The following DIP2C variants were observed in gnomAD, a reference collection of about 807,000 sequenced individuals.
The protein encoded by DIP2C is DIP2 acetate--CoA ligase C (putative), also known as disco-interacting protein 2 homolog C.
In DIP2C, 33 loss-of-function variants were observed where a neutral mutation model predicts 192.4. The ratio of observed to expected loss-of-function variants is 0.17; its 90% CI spans 0.13 to 0.23. DIP2C has a LOEUF of 0.23. DIP2C is among the 10% of genes least tolerant of loss of function. The probability of loss-of-function intolerance (pLI) is 1.00; values close to 1 mark genes in which losing one functional copy is unlikely to be tolerated. For missense variants in DIP2C, 1,537 were observed against 2,110.1 expected, an observed-to-expected ratio of 0.73 and a Z score of 5.32; for synonymous variants, 979 against 864.1, an observed-to-expected ratio of 1.13 and a Z score of -2.33.
chr10:502,433 C>CG (rs1845300412), intron 1 of DIP2C, among the ~76,000 whole-genome samples: 1 of 152,066 alleles, frequency 6.6e-6, no homozygotes, highest in Admixed American at 6.5e-5. Flanking sequence ...GCTCATAGGA[C>CG]GAAAGGCTCA....
Position 377,584 on chromosome 10 carries a change from G to A in DIP2C, c.1991+5063C>T, listed in dbSNP as rs117243340. On this transcript the variant is annotated intron_variant, in intron 17 of 36. Coordinates refer to ENST00000280886, the MANE Select transcript of DIP2C (RefSeq NM_014974.3). ...GTTTATCTTGCGTTCTCTTACATGC[G>A]GGATTATGGAACTCTGGGTCTGACT... Among the ~76,000 whole-genome samples, 969 of 152,212 alleles carry A rather than the reference G, an allele frequency of 6.4e-3. 5 individuals carry two copies. Among genetic ancestry groups the A allele is most frequent in the Non-Finnish European group, 9.3e-3 (634 of 68,026 alleles).
chr10:448,659 C>T (rs538698984), intron 3 of DIP2C, among the ~76,000 whole-genome samples: 1 of 146,140 alleles, frequency 6.8e-6, no homozygotes, highest in East Asian at 2.1e-4. Flanking sequence ...GCAAGCAGGA[C>T]CCACTCACCC....
At chr10:329,662 TG>T in intron 29 of DIP2C, 61 bp from the exon 30 acceptor site, 3 of 903,176 alleles carry the variant, frequency 3.3e-6, no homozygotes, top group Non-Finnish European at 4.9e-6. Context: ...TCAGCAAGGC[TG>T]GAGGGCTCAG....
At chr10:352,095 T>C (rs2132651208) in intron 24 of DIP2C, among the ~76,000 whole-genome samples, 1 of 152,264 alleles carries the variant, frequency 6.6e-6, no homozygotes, top group Non-Finnish European at 1.5e-5. Context: ...CAGTGCCCAG[T>C]CTGGTTTGTT....
At chr10:645,071 T>C (rs757734292) in intron 1 of DIP2C, among the ~76,000 whole-genome samples, 59 of 152,208 alleles carry the variant, frequency 3.9e-4, no homozygotes, top group Non-Finnish European at 2.5e-4. Context: ...ATCTTCATCA[T>C]GGAAATAAAG....
intron 1 of DIP2C, among the ~76,000 whole-genome samples, chr10:679,036 G>A (rs573861556): frequency 1.2e-4 from 1 of 8,190 alleles, no homozygotes; most frequent in African/African-American, 1.8e-4. Flanking sequence ...TCCTCCCCGC[G>A]CCCATGCTCC....
At chr10:486,728 A>T (rs758001835) in intron 1 of DIP2C, among the ~76,000 whole-genome samples, 198 bp from the exon 2 acceptor site, 10 of 152,198 alleles carry the variant, frequency 6.6e-5, no homozygotes, top group African/African-American at 2.2e-4. Context: ...GTAAGTCACT[A>T]AAACTCATTT....
At chr10:409,245 A>C (rs1199298944) in intron 8 of DIP2C, among the ~76,000 whole-genome samples, 1 of 152,016 alleles carries the variant, frequency 6.6e-6, no homozygotes, top group African/African-American at 2.4e-5. Context: ...CAGGAGAGAG[A>C]ATGAAAATAA....
chr10:603,710 G>A (rs926396137), intron 1 of DIP2C, among the ~76,000 whole-genome samples: 1 of 152,216 alleles, frequency 6.6e-6, no homozygotes, highest in Non-Finnish European at 1.5e-5. Context: ...GTCTGGAGGT[G>A]AATAGATACA....
At chr10:616,401 ATTT>A (rs1853474043) in intron 1 of DIP2C, among the ~76,000 whole-genome samples, 4 of 152,202 alleles carry the variant, frequency 2.6e-5, no homozygotes, top group African/African-American at 9.7e-5. Flanking sequence ...ACGCAAATTA[ATTT>A]GCTTTGTTCA....
intron 7 of DIP2C, among the ~76,000 whole-genome samples, chr10:414,809 A>G (rs940528805): frequency 1.5e-5 from 2 of 134,534 alleles, no homozygotes; most frequent in East Asian, 4.4e-4. Context: ...TATATTTTGT[A>G]GAGACAGGTT....
chr10:318,680 C>T (rs991916607), intron 31 of DIP2C, among the ~76,000 whole-genome samples: 3 of 152,172 alleles, frequency 2.0e-5, no homozygotes, highest in African/African-American at 7.2e-5. Context: ...TGATCCCCAG[C>T]GTGGCTGGGA....
intron 31 of DIP2C, among the ~76,000 whole-genome samples, chr10:318,924 T>A (rs1416091051): frequency 7.0e-6 from 1 of 142,228 alleles, no homozygotes; most frequent in Non-Finnish European, 1.6e-5. Context: ...TTTTTTTTTA[T>A]ACAGAGTCTG....
At chr10:559,775 C>T (rs904040486) in intron 1 of DIP2C, among the ~76,000 whole-genome samples, 4 of 152,226 alleles carry the variant, frequency 2.6e-5, no homozygotes, top group African/African-American at 7.2e-5. Context: ...AGCCCAGCCC[C>T]GGAGCCCCAT....
At chr10:398,444 C>T (rs1258669043) in intron 10 of DIP2C, among the ~76,000 whole-genome samples, 2 of 152,200 alleles carry the variant, frequency 1.3e-5, no homozygotes, top group Non-Finnish European at 2.9e-5. Flanking sequence ...CCTTTCTAGA[C>T]CAAATGAACA....
intron 29 of DIP2C, among the ~76,000 whole-genome samples, chr10:339,626 A>G (rs1450839288): frequency 6.6e-6 from 1 of 152,194 alleles, no homozygotes. Context: ...CGTTGTTCAG[A>G]ACAGACCTCT....
intron 1 of DIP2C, among the ~76,000 whole-genome samples, chr10:617,038 G>T (rs141682189): frequency 3.1e-4 from 47 of 152,240 alleles, no homozygotes; most frequent in African/African-American, 1.1e-3. Context: ...GTAGCACATG[G>T]CTAAGGGCCA....
chr10:403,674 A>T (rs1964581463), intron 9 of DIP2C, among the ~76,000 whole-genome samples: 1 of 147,614 alleles, frequency 6.8e-6, no homozygotes, highest in African/African-American at 2.5e-5. Flanking sequence ...TCAGCACATG[A>T]ATCCTGTGAT....
chr10:682,090 G>C (rs1420266999), intron 1 of DIP2C, among the ~76,000 whole-genome samples: 1 of 152,240 alleles, frequency 6.6e-6, no homozygotes, highest in Non-Finnish European at 1.5e-5. Flanking sequence ...ACCTTTGCTG[G>C]TCTGCTGACC....
Sources: allele counts gnomAD v4.1 joint callset (sites outside exome capture counted in the v4.1 genomes callset), GRCh38; gene constraint gnomAD v4.1.1; transcripts MANE v1.5; gene names NCBI Gene and HGNC (gene_info 2026-07-23, HGNC 2026-07-21).